Variants in SMAD3 observed in about 807,000 individuals in gnomAD.
SMAD3 encodes MAD homolog 3.
SMAD3 carries 12 observed loss-of-function variants against 51.8 expected under a neutral mutation model. That is an observed-to-expected ratio of 0.23 (90% CI 0.15 to 0.38). The LOEUF (loss-of-function observed/expected upper bound fraction) is 0.38, where lower values mean the gene tolerates loss of function less well. Ranked by LOEUF, SMAD3 falls within the 10% of genes least tolerant of loss-of-function variation. The probability of loss-of-function intolerance (pLI) is 1.00; values close to 1 mark genes in which losing one functional copy is unlikely to be tolerated. For missense variants in SMAD3, 294 were observed against 565.6 expected, an observed-to-expected ratio of 0.52 and a Z score of 4.87; for synonymous variants, 238 against 227.7, an observed-to-expected ratio of 1.05 and a Z score of -0.41.
At chr15:67,166,320 G>A in intron 3 of SMAD3, 1 of 282,148 alleles carries the variant, frequency 3.5e-6, no homozygotes, top group East Asian at 9.0e-5. Flanking sequence ...ACTGCTGAGT[G>A]AGGACACGTC....
At chr15:67,168,704 CTTTCT>C (rs1962659466) in intron 4 of SMAD3, among the ~76,000 whole-genome samples, 1 of 152,086 alleles carries the variant, frequency 6.6e-6, no homozygotes, top group Non-Finnish European at 1.5e-5. Context: ...TCCCTTCTTC[CTTTCT>C]TCTCATTAAG....
At chr15:67,095,914 G>A (rs79824500) in intron 1 of SMAD3, among the ~76,000 whole-genome samples, 1,584 of 152,328 alleles carry the variant, frequency 0.01, 12 homozygotes, top group Non-Finnish European at 0.017. Flanking sequence ...GGCAGCATGT[G>A]CCCATTGAGC....
intron 6 of SMAD3, among the ~76,000 whole-genome samples, chr15:67,183,024 TA>T (rs1567000802): frequency 4.5e-4 from 34 of 75,406 alleles, no homozygotes; most frequent in East Asian, 2.4e-3. Context: ...TATATATATA[TA>T]TATATATTTT....
rs151285353 is a variant in SMAD3 at position 67,089,189 on chromosome 15, G to A, written c.206+22829G>A. On this transcript the variant is annotated intron_variant, in intron 1 of 8. Coordinates refer to ENST00000327367, the MANE Select transcript of SMAD3 (RefSeq NM_005902.4). Reference sequence around the variant, plus strand: ...TAGTTCTGAAGAGGCCAGGCTAGGAGACCCCAGAGGGACACCCAGAAATCC... The same window carrying A: ...TAGTTCTGAAGAGGCCAGGCTAGGAAACCCCAGAGGGACACCCAGAAATCC... 7.8e-3 allele frequency among the ~76,000 whole-genome samples: 1,187 copies of A among 152,276 alleles called. 6 individuals carry two copies. The highest frequency in any genetic ancestry group is 0.013 in the Non-Finnish European group (896 of 68,008).
chr15:67,084,672 C>T (rs538404467), intron 1 of SMAD3, among the ~76,000 whole-genome samples: 7 of 152,096 alleles, frequency 4.6e-5, no homozygotes, highest in Non-Finnish European at 8.8e-5. Context: ...CCTCATGGAG[C>T]GTCCCAGGGT....
intron 1 of SMAD3, among the ~76,000 whole-genome samples, chr15:67,140,122 CA>C (rs34728056): frequency 1.4e-3 from 207 of 147,170 alleles, no homozygotes; most frequent in African/African-American, 4.5e-3. Flanking sequence ...AACTCTGTCT[CA>C]AAAAAAAAAA....
At chr15:67,106,302 A>C (rs1000055513) in intron 1 of SMAD3, among the ~76,000 whole-genome samples, 14 of 152,180 alleles carry the variant, frequency 9.2e-5, no homozygotes, top group African/African-American at 3.4e-4. Context: ...CAAGGGTTCA[A>C]ATCTCAACCT....
chr15:67,082,518 A>G (rs1960299759), intron 1 of SMAD3, among the ~76,000 whole-genome samples: 2 of 152,212 alleles, frequency 1.3e-5, no homozygotes, highest in Non-Finnish European at 1.5e-5. Context: ...GTTTAATTGC[A>G]TGTTTAGTAT....
Position 67,124,816 on chromosome 15 carries a change from C to T in SMAD3, c.207-40079C>T, listed in dbSNP as rs943997970. Among the ~76,000 whole-genome samples, 7 of 152,290 alleles carry T rather than the reference C, an allele frequency of 4.6e-5. No homozygotes were observed. In the East Asian group the frequency reaches 5.8e-4, roughly 13 times the overall value. On this transcript the variant is annotated intron_variant, in intron 1 of 8. Coordinates refer to ENST00000327367, the MANE Select transcript of SMAD3 (RefSeq NM_005902.4). ...AAGAGAAGATGTGGCACAGGGCAGCCGGGGAGAGGCTGGTGGCCAGAAGAT... is the reference window on the plus strand; with the variant it reads ...AAGAGAAGATGTGGCACAGGGCAGCTGGGGAGAGGCTGGTGGCCAGAAGAT...
rs1961212134 is a variant in SMAD3 at position 67,119,542 on chromosome 15, CAAGT to C, written c.207-45352_207-45349del. Among the ~76,000 whole-genome samples, 7 of 152,110 alleles carry C rather than the reference CAAGT, an allele frequency of 4.6e-5. No homozygotes were observed. The South Asian group carries it at 1.5e-3, about 32-fold the overall frequency. ...GAGCGCATGGAGTGCTTTCAGAGGC[CAAGT>C]GAGTGGAACTGTCTATGAAGCAGAT... is the stretch of plus-strand genomic sequence containing the variant. On this transcript the variant is annotated intron_variant, in intron 1 of 8. Coordinates refer to ENST00000327367, the MANE Select transcript of SMAD3 (RefSeq NM_005902.4).
At chr15:67,115,920 G>T (rs1257982566) in intron 1 of SMAD3, among the ~76,000 whole-genome samples, 1 of 152,176 alleles carries the variant, frequency 6.6e-6, no homozygotes, top group Non-Finnish European at 1.5e-5. Context: ...AAGACCAAAG[G>T]GTGGGTAGGA....
rs967072552 is a variant in SMAD3 at position 67,184,822 on chromosome 15, C to T, written c.967C>T (p.Arg323Cys). ...TGTCCAGTCTCCCAACTGTAACCAG[C>T]GCTATGGCTGGCACCCGGCCACCGT... ...IFVQSPNCNQ[R>C]YGWHPATVCK... The change falls in exon 7 of 9, where the codon CGC (arginine) becomes TGC (cysteine). Residue 323 changes from arginine (R) to cysteine (C), a missense_variant. By Grantham distance (180) the Arg-to-Cys change is radical (BLOSUM62 -3). This residue lies in a region of SMAD3 where 118 missense variants were observed against 278.0 expected (regional missense o/e 0.42). Coordinates refer to ENST00000327367, the MANE Select transcript of SMAD3 (RefSeq NM_005902.4). 8.7e-6 allele frequency: 14 copies of T among 1,613,658 alleles called. No individual in the cohort carries two copies. The highest frequency in any genetic ancestry group is 1.3e-5 in the African/African-American group (1 of 75,042).
chr15:67,144,876 G>C (rs1451735225), intron 1 of SMAD3, among the ~76,000 whole-genome samples: 1 of 152,180 alleles, frequency 6.6e-6, no homozygotes, highest in Non-Finnish European at 1.5e-5. Context: ...AGCTGCGGTT[G>C]CTGTGGTTCT....
At chr15:67,164,830 G>A (rs1474437149) in intron 1 of SMAD3, 65 bp from the exon 2 acceptor site, 35 of 1,541,050 alleles carry the variant, frequency 2.3e-5, no homozygotes, top group Non-Finnish European at 2.7e-5. Context: ...GTAGGAGGCC[G>A]GACTCTGCAG....
At chr15:67,159,457 A>C (rs529315319) in intron 1 of SMAD3, among the ~76,000 whole-genome samples, 1 of 152,186 alleles carries the variant, frequency 6.6e-6, no homozygotes, top group Non-Finnish European at 1.5e-5. Context: ...ACCATTATTT[A>C]AACTGAGGCT....
At chr15:67,187,142 G>GC (rs1431525623) in intron 7 of SMAD3, 1 of 680,850 alleles carries the variant, frequency 1.5e-6, no homozygotes, top group African/African-American at 1.8e-5. Flanking sequence ...TATGTCAGTG[G>GC]CACCTCCCAG....
At chr15:67,126,465 A>G (rs1961390912) in intron 1 of SMAD3, among the ~76,000 whole-genome samples, 1 of 152,114 alleles carries the variant, frequency 6.6e-6, no homozygotes, top group Non-Finnish European at 1.5e-5. Flanking sequence ...GGAAATAGGT[A>G]TTTTAAACAT....
Position 67,193,313 on chromosome 15 carries a change from G to A in SMAD3, c.*2777G>A, listed in dbSNP as rs935380489. On this transcript the variant is annotated 3_prime_UTR_variant, in exon 9 of 9. Coordinates refer to ENST00000327367, the MANE Select transcript of SMAD3 (RefSeq NM_005902.4). ...GTGTTGCCCCTGCCCTGGGCTCCCCGCCATGACATCTTCACCTTGCAGCTT... is the reference window on the plus strand; with the variant it reads ...GTGTTGCCCCTGCCCTGGGCTCCCCACCATGACATCTTCACCTTGCAGCTT... 3.0e-5 allele frequency: 7 copies of A among 233,284 alleles called. No individual in the cohort carries two copies. The highest frequency in any genetic ancestry group is 8.8e-5 in the African/African-American group (4 of 45,326). 14.5% of individuals were successfully genotyped at this position (233,284 alleles called of 1,614,324 possible). A position where few individuals can be genotyped will look rare whatever the true frequency, so the allele number is the denominator to read the frequency against.
chr15:67,090,509 G>C (rs1444947090), intron 1 of SMAD3, among the ~76,000 whole-genome samples: 1 of 152,162 alleles, frequency 6.6e-6, no homozygotes, highest in East Asian at 1.9e-4. Context: ...CAAGTCATTT[G>C]TTGGGAAGAA....
Sources: gnomAD v4.1 joint callset for allele counts (sites outside exome capture counted in the v4.1 genomes callset) on GRCh38, gnomAD v4.1.1 for gene constraint, gnomAD v4.1.1 regional missense constraint, MANE v1.5 for transcripts, NCBI Gene and HGNC (gene_info 2026-07-23, HGNC 2026-07-21) for gene names.